The following CFAP70 variants were observed in gnomAD, a reference collection of about 807,000 sequenced individuals.
The protein encoded by CFAP70 is cilia and flagella associated protein 70.
In CFAP70, 81 loss-of-function variants were observed where a neutral mutation model predicts 137.6. The observed-to-expected ratio is 0.59, with a 90% confidence interval of 0.49 to 0.71. The LOEUF is 0.71. CFAP70 is among the 30% of genes least tolerant of loss of function. The pLI, the probability that CFAP70 is intolerant of heterozygous loss-of-function variation, is 0.00. For synonymous variants in CFAP70, 382 were observed against 423.6 expected, an observed-to-expected ratio of 0.90 and a Z score of 1.20; for missense variants, 976 against 1,226.7, an observed-to-expected ratio of 0.80 and a Z score of 3.05.
chr10:73,277,704 T>TC (rs2046887238), intron 20 of CFAP70, among the ~76,000 whole-genome samples: 1 of 145,904 alleles, frequency 6.9e-6, no homozygotes, highest in African/African-American at 2.6e-5. Context: ...AGAGCAAGAC[T>TC]CCATCTCAAA....
intron 7 of CFAP70, among the ~76,000 whole-genome samples, chr10:73,331,950 C>T (rs1338271737): frequency 1.3e-5 from 2 of 152,152 alleles, no homozygotes; most frequent in Non-Finnish European, 2.9e-5. Flanking sequence ...CCAGTTTCAG[C>T]TCCAATACAG....
At chr10:73,278,252 A>T in exon 20 of CFAP70, 1 of 1,614,058 alleles carries the variant, frequency 6.2e-7, no homozygotes, top group Non-Finnish European at 8.5e-7. Flanking sequence ...AAGTTTGTGT[A>T]GTCAAAATGG....
chr10:73,302,879 T>C (rs2049057115), intron 12 of CFAP70, among the ~76,000 whole-genome samples: 1 of 132,822 alleles, frequency 7.5e-6, no homozygotes, highest in Non-Finnish European at 1.5e-5. Flanking sequence ...TTTTCTTTTC[T>C]TTTCTTTTTT....
intron 15 of CFAP70, chr10:73,296,841 C>T (rs545626712): frequency 7.6e-6 from 3 of 394,346 alleles, no homozygotes; most frequent in Admixed American, 4.2e-5. Flanking sequence ...ATTGAAAGAG[C>T]ATATCTCCTT....
At chr10:73,295,389 AAGGGAGGG>A (rs1215950849) in intron 15 of CFAP70, 2 of 128,602 alleles carry the variant, frequency 1.6e-5, no homozygotes, top group African/African-American at 6.2e-5. Context: ...GGAAGGGAGG[AAGGGAGGG>A]AGGGAGGGAG....
exon 10 of CFAP70, chr10:73,312,538 T>A: frequency 6.2e-7 from 1 of 1,613,142 alleles, no homozygotes; most frequent in Non-Finnish European, 8.5e-7. Context: ...TCTTTCAGAT[T>A]CTTAGAAACA....
chr10:73,352,934 C>T (rs1043712857), intron 3 of CFAP70, among the ~76,000 whole-genome samples: 3 of 152,010 alleles, frequency 2.0e-5, no homozygotes, highest in African/African-American at 7.2e-5. Flanking sequence ...AGCTTTTTGG[C>T]TTTTTGTTAT....
intron 12 of CFAP70, among the ~76,000 whole-genome samples, chr10:73,301,247 T>C (rs2048933465): frequency 6.6e-6 from 1 of 152,122 alleles, no homozygotes; most frequent in African/African-American, 2.4e-5. Flanking sequence ...ATCCCCAGTG[T>C]TGGAAGTGGG....
At chr10:73,300,987 T>G (rs918732112) in intron 12 of CFAP70, among the ~76,000 whole-genome samples, 1 of 152,144 alleles carries the variant, frequency 6.6e-6, no homozygotes, top group African/African-American at 2.4e-5. Flanking sequence ...TACATTCTAG[T>G]AGGGAAAGAA....
rs868112010 is a variant in CFAP70 at position 73,351,118 on chromosome 10, T to G, written c.250+2438A>C. ...ATATATATATATATATATATGTATGTTTTGTTTTTTTTTTTTGTGAGACGG... is the reference window on the plus strand; with the variant it reads ...ATATATATATATATATATATGTATGGTTTGTTTTTTTTTTTTGTGAGACGG... On this transcript the variant is annotated intron_variant, in intron 3 of 26. Coordinates refer to ENST00000310715, the Ensembl canonical transcript of CFAP70. Among the ~76,000 whole-genome samples the G allele has an allele frequency of 3.5e-4, 45 of 127,102 alleles. 1 individual carries two copies. The highest frequency in any genetic ancestry group is 1.1e-3 in the African/African-American group (38 of 34,184). The allele number at this position is 127,102 out of a possible 152,430, so 83.4% of individuals were successfully genotyped here.
chr10:73,358,456 G>C (rs541072025), intron 1 of CFAP70, among the ~76,000 whole-genome samples: 5 of 152,364 alleles, frequency 3.3e-5, no homozygotes, highest in African/African-American at 1.2e-4. Context: ...AGCGCAGTCA[G>C]CGCAGAATGA....
intron 7 of CFAP70, 123 bp from the exon 9 acceptor site, chr10:73,331,399 G>C: frequency 1.3e-6 from 1 of 799,148 alleles, no homozygotes; most frequent in South Asian, 1.8e-5. Flanking sequence ...AAATTGGGGG[G>C]CTCGGCTCAG....
Position 73,279,572 on chromosome 10 carries a change from T to TAAATAA in CFAP70, c.2240-1236_2240-1235insTTATTT, listed in dbSNP as rs1564775265. On this transcript the variant is annotated intron_variant, in intron 19 of 26. Transcript: ENST00000310715. Reference sequence around the variant, plus strand: ...AAATAAATAAATAAATAAATAAATATAAGAAGTTGGGCGAGGTGACTCACG... The same window carrying TAAATAA: ...AAATAAATAAATAAATAAATAAATATAAATAAAAGAAGTTGGGCGAGGTGACTCACG... Among the ~76,000 whole-genome samples the TAAATAA allele has an allele frequency of 5.0e-4, 52 of 103,400 alleles. 1 individual carries two copies. The highest frequency in any genetic ancestry group is 3.5e-3 in the South Asian group (8 of 2,262). 67.8% of individuals were successfully genotyped at this position (103,400 alleles called of 152,430 possible).
chr10:73,296,858 T>C lies in CFAP70; in HGVS notation c.1644+184A>G, dbSNP rs978583114. On this transcript the variant is annotated intron_variant, in intron 15 of 26. Transcript: ENST00000310715. ...TGAAAGAGCATATCTCCTTGTTTTTTTCCAAAATTAGTCTTAAACTGATTA... is the reference window on the plus strand; with the variant it reads ...TGAAAGAGCATATCTCCTTGTTTTTCTCCAAAATTAGTCTTAAACTGATTA... The C allele has an allele frequency of 1.7e-5, 8 of 466,830 alleles. No homozygotes were observed. In the Admixed American group the frequency reaches 2.5e-4, roughly 14 times the overall value. The allele number at this position is 466,830 out of a possible 1,614,324, so 28.9% of individuals were successfully genotyped here.
chr10:73,337,316 A>G (rs2052762965), intron 6 of CFAP70, among the ~76,000 whole-genome samples: 1 of 151,882 alleles, frequency 6.6e-6, no homozygotes. Flanking sequence ...CCCTGTCTCT[A>G]CTAAAGTAAA....
chr10:73,272,990 G>A lies in CFAP70; in HGVS notation c.2863C>T (p.Gln955Ter). 1 of 1,552,134 alleles carries A rather than the reference G, an allele frequency of 6.4e-7. No individual in the cohort carries two copies. The highest frequency in any genetic ancestry group is 1.4e-5 in the African/African-American group (1 of 73,296). The change falls in exon 24 of 27, where the codon CAA (glutamine) becomes TAA (stop). Residue 955 changes from glutamine to a stop codon, truncating the protein, a stop_gained. Transcript: ENST00000310715. LOFTEE classifies it high-confidence loss of function. Reference sequence around the variant, plus strand: ...CATGAAGGTGATCTCTTACAGGCTTGCATATAGGTTTTCTTTGCCTTTTCA... The same window carrying A: ...CATGAAGGTGATCTCTTACAGGCTTACATATAGGTTTTCTTTGCCTTTTCA...
intron 5 of CFAP70, 22 bp from the exon 7 acceptor site, chr10:73,341,603 G>GT: frequency 6.3e-7 from 1 of 1,595,706 alleles, no homozygotes; most frequent in Non-Finnish European, 8.5e-7. Context: ...GATACCATAT[G>GT]TCAGGAAAAT....
chr10:73,346,696 G>A (rs2053746838), intron 4 of CFAP70, among the ~76,000 whole-genome samples: 2 of 152,148 alleles, frequency 1.3e-5, no homozygotes, highest in South Asian at 2.1e-4. Context: ...TATCACTAGG[G>A]ATATAAAGAC....
chr10:73,283,643 C>G (rs2047429163), intron 19 of CFAP70, among the ~76,000 whole-genome samples: 1 of 152,196 alleles, frequency 6.6e-6, no homozygotes, highest in Non-Finnish European at 1.5e-5. Flanking sequence ...ATTATTAACA[C>G]AGCTACTCCA....
Sources: allele counts gnomAD v4.1 joint callset (sites outside exome capture counted in the v4.1 genomes callset), GRCh38; gene constraint gnomAD v4.1.1; transcripts MANE v1.5; gene names NCBI Gene and HGNC (gene_info 2026-07-23, HGNC 2026-07-21).